NEK1: variants seen among roughly 807,000 people sequenced by gnomAD.
The protein encoded by NEK1 is NIMA related kinase 1.
In NEK1, 137 loss-of-function variants were observed where a neutral mutation model predicts 182.1. The ratio of observed to expected loss-of-function variants is 0.75; its 90% CI spans 0.65 to 0.87. The LOEUF (loss-of-function observed/expected upper bound fraction) is 0.87. Among genes scored for constraint, NEK1 ranks in the 40% least tolerant of loss-of-function variants. The pLI is 0.00. For synonymous variants in NEK1, 513 were observed against 492.2 expected, an observed-to-expected ratio of 1.04 and a Z score of -0.56; for missense variants, 1,391 against 1,494.4, an observed-to-expected ratio of 0.93 and a Z score of 1.14.
intron 27 of NEK1, 28 bp from the exon 28 acceptor site, chr4:169,438,287 G>T (rs1388367188): frequency 1.3e-6 from 2 of 1,499,338 alleles, no homozygotes; most frequent in Non-Finnish European, 9.0e-7. Context: ...AAAAAATCAT[G>T]CTAGTTCTCA....
chr4:169,398,471 A>G lies in NEK1; in HGVS notation c.3847+1754T>C, dbSNP rs189088003. Among the ~76,000 whole-genome samples the G allele has an allele frequency of 1.6e-3, 237 of 152,336 alleles. 5 individuals are homozygous for G. The East Asian group carries it at 0.039, about 25-fold the overall frequency. ...TGTTCCTTTGGTTTCAATACCAAAA[A>G]TAGCTGTCCTCTGAGCAACTAAAAT... is the stretch of plus-strand genomic sequence containing the variant. On this transcript the variant is annotated intron_variant, in intron 35 of 35. Coordinates refer to ENST00000507142, the MANE Select transcript of NEK1 (RefSeq NM_001199397.3).
intron 19 of NEK1, among the ~76,000 whole-genome samples, chr4:169,509,254 T>C (rs1753810943): frequency 6.6e-6 from 1 of 152,132 alleles, no homozygotes; most frequent in Non-Finnish European, 1.5e-5. Context: ...AATAAGATAT[T>C]TGAGATCACT....
chr4:169,400,072 C>T (rs1001266576), intron 35 of NEK1, 153 bp downstream of exon 35: 1 of 776,638 alleles, frequency 1.3e-6, no homozygotes, highest in Non-Finnish European at 2.2e-6. Context: ...AGTAAAAGTA[C>T]ATGACAAAGT....
chr4:169,607,696 C>T (rs1462104127), intron 2 of NEK1, among the ~76,000 whole-genome samples: 2 of 152,074 alleles, frequency 1.3e-5, no homozygotes, highest in African/African-American at 2.4e-5. Context: ...ATCTCCTGAC[C>T]TTGTGATCCG....
chr4:169,597,465 A>T, intron 5 of NEK1, among the ~76,000 whole-genome samples: 1 of 152,194 alleles, frequency 6.6e-6, no homozygotes, highest in African/African-American at 2.4e-5. Flanking sequence ...AAAAAATAAT[A>T]ATAAAATAAA....
chr4:169,400,907 G>C (rs1312302972), intron 33 of NEK1, among the ~76,000 whole-genome samples: 2 of 137,218 alleles, frequency 1.5e-5, no homozygotes, highest in Admixed American at 1.6e-4. Context: ...CACTCCTAGA[G>C]ATGTTACTTA....
chr4:169,568,323 A>G (rs996566570), intron 12 of NEK1, among the ~76,000 whole-genome samples: 10 of 152,232 alleles, frequency 6.6e-5, no homozygotes, highest in Non-Finnish European at 1.2e-4. Flanking sequence ...TTACATTTGT[A>G]AACCATTTAG....
At chr4:169,552,252 A>C (rs1761535061) in intron 18 of NEK1, among the ~76,000 whole-genome samples, 1 of 152,086 alleles carries the variant, frequency 6.6e-6, no homozygotes, top group African/African-American at 2.4e-5. Context: ...TTTTATTCTT[A>C]TAGCAAAATA....
At chr4:169,398,031 G>A (rs943415392) in intron 35 of NEK1, among the ~76,000 whole-genome samples, 1 of 152,112 alleles carries the variant, frequency 6.6e-6, no homozygotes, top group Admixed American at 6.5e-5. Context: ...CTCTGGCTTC[G>A]TGCCATTAAC....
chr4:169,479,563 T>G, intron 23 of NEK1, 29 bp from the exon 24 acceptor site: 3 of 1,527,306 alleles, frequency 2.0e-6, no homozygotes, highest in Non-Finnish European at 2.7e-6. Context: ...TTAAATACAT[T>G]AGGGATTTTA....
Position 169,406,617 on chromosome 4 carries a change from C to G in NEK1, c.3353G>C (p.Gly1118Ala). The change falls in exon 32 of 36, where the codon GGA becomes GCA. Residue 1118 changes from glycine (G) to alanine (A), a missense_variant. Physicochemically the swap from Gly to Ala is moderately conservative, Grantham distance 60 (BLOSUM62 0). This residue lies in a region of NEK1 where 1,216 missense variants were observed against 1,277.6 expected (regional missense o/e 0.95). Coordinates refer to ENST00000507142, the MANE Select transcript of NEK1 (RefSeq NM_001199397.3). ...DEIEDENIKE[G>A]PSDSEDIVFE... ...TTACATGTCTTCAGAATCAGAAGGTCCTTCTTTAATGTTTTCATCTTCAAT... is the reference window on the plus strand; with the variant it reads ...TTACATGTCTTCAGAATCAGAAGGTGCTTCTTTAATGTTTTCATCTTCAAT... The G allele has an allele frequency of 6.2e-7, 1 of 1,602,744 alleles. No homozygotes were observed. The highest frequency in any genetic ancestry group is 1.3e-5 in the African/African-American group (1 of 74,614).
intron 18 of NEK1, among the ~76,000 whole-genome samples, chr4:169,547,563 A>G (rs978339132): frequency 6.6e-6 from 1 of 151,968 alleles, no homozygotes; most frequent in African/African-American, 2.4e-5. Context: ...TATCCTGGAG[A>G]GTGTTTTCCA....
intron 2 of NEK1, among the ~76,000 whole-genome samples, chr4:169,610,016 C>CTTT (rs538596187): frequency 4.4e-5 from 6 of 135,320 alleles, no homozygotes; most frequent in African/African-American, 8.2e-5. Context: ...CTAAGAATTT[C>CTTT]TTTTTTTTTT....
chr4:169,442,507 A>G (rs1453757905), intron 27 of NEK1, among the ~76,000 whole-genome samples: 1 of 152,240 alleles, frequency 6.6e-6, no homozygotes, highest in Non-Finnish European at 1.5e-5. Flanking sequence ...AGATGCACAG[A>G]TATCAATATA....
intron 35 of NEK1, among the ~76,000 whole-genome samples, chr4:169,398,649 T>C (rs1011589299): frequency 1.7e-4 from 26 of 152,214 alleles, no homozygotes; most frequent in African/African-American, 6.0e-4. Flanking sequence ...CATGTTATAC[T>C]GCTTGTGCTC....
intron 18 of NEK1, among the ~76,000 whole-genome samples, chr4:169,551,588 A>C (rs781465205): frequency 3.3e-5 from 5 of 152,196 alleles, no homozygotes; most frequent in Non-Finnish European, 7.4e-5. Context: ...ATTTAAAAAG[A>C]TAAAAATTTG....
chr4:169,523,584 A>G (rs1756435773), intron 19 of NEK1, among the ~76,000 whole-genome samples: 1 of 152,196 alleles, frequency 6.6e-6, no homozygotes, highest in African/African-American at 2.4e-5. Context: ...TGACACACTG[A>G]TCTTGGACTT....
intron 19 of NEK1, among the ~76,000 whole-genome samples, chr4:169,535,551 A>G (rs1358758515): frequency 6.6e-6 from 1 of 152,036 alleles, no homozygotes; most frequent in East Asian, 1.9e-4. Flanking sequence ...GAGACCTAGA[A>G]GAGGGAGAGA....
chr4:169,449,197 C>T (rs912250044), intron 27 of NEK1, among the ~76,000 whole-genome samples: 2 of 152,216 alleles, frequency 1.3e-5, no homozygotes, highest in African/African-American at 2.4e-5. Context: ...CAAGGCCTAC[C>T]GCCTCAGTAG....
Sources: gnomAD v4.1 joint callset for allele counts (sites outside exome capture counted in the v4.1 genomes callset) on GRCh38, gnomAD v4.1.1 for gene constraint, gnomAD v4.1.1 regional missense constraint, MANE v1.5 for transcripts, NCBI Gene and HGNC (gene_info 2026-07-23, HGNC 2026-07-21) for gene names.